Variants in AGBL4 observed in about 807,000 individuals in gnomAD.
The protein encoded by AGBL4 is cytosolic carboxypeptidase 6.
Under a neutral mutation model 66.4 loss-of-function variants are expected in AGBL4, and 58 were observed. The observed-to-expected ratio is 0.87, with a 90% CI of 0.71 to 1.09. The LOEUF is 1.09. Among genes scored for constraint, AGBL4 ranks in the 50% least tolerant of loss-of-function variants. The pLI, the probability that AGBL4 is intolerant of heterozygous loss-of-function variation, is 0.00. For missense variants in AGBL4, 579 were observed against 631.0 expected (o/e 0.92, Z 0.88); for synonymous variants, 234 against 222.9 (o/e 1.05, Z -0.44).
intron 6 of AGBL4, among the ~76,000 whole-genome samples, chr1:48,714,439 C>G (rs1244117100): frequency 6.6e-6 from 1 of 152,248 alleles, no homozygotes; most frequent in East Asian, 1.9e-4. Flanking sequence ...TTCTAATCAG[C>G]AAACCATGCT....
At chr1:49,341,148 C>T (rs1334351242) in intron 3 of AGBL4, among the ~76,000 whole-genome samples, 2 of 152,100 alleles carry the variant, frequency 1.3e-5, no homozygotes, top group Non-Finnish European at 2.9e-5. Context: ...GATAAATTTG[C>T]TTTCACTTTA....
At chr1:49,149,050 G>A (rs932980008) in intron 4 of AGBL4, among the ~76,000 whole-genome samples, 3 of 152,194 alleles carry the variant, frequency 2.0e-5, no homozygotes, top group African/African-American at 7.2e-5. Flanking sequence ...CTTGAGCTAT[G>A]TATGGACCCA....
chr1:49,378,739 T>C (rs1436345280), intron 3 of AGBL4, among the ~76,000 whole-genome samples: 1 of 152,080 alleles, frequency 6.6e-6, no homozygotes, highest in Non-Finnish European at 1.5e-5. Context: ...CAGACTGTGA[T>C]GTAGTTCAGA....
chr1:48,567,376 T>C (rs911819369), intron 11 of AGBL4, among the ~76,000 whole-genome samples: 3 of 152,198 alleles, frequency 2.0e-5, no homozygotes, highest in African/African-American at 4.8e-5. Context: ...TTGCCCTTTC[T>C]TTCAGCATCC....
At chr1:49,224,714 G>A (rs1434122887) in intron 4 of AGBL4, among the ~76,000 whole-genome samples, 1 of 151,970 alleles carries the variant, frequency 6.6e-6, no homozygotes, top group African/African-American at 2.4e-5. Context: ...AATAACATGG[G>A]GCCAGCTCTG....
At chr1:49,670,632 C>A (rs1051746600) in intron 3 of AGBL4, among the ~76,000 whole-genome samples, 1 of 152,096 alleles carries the variant, frequency 6.6e-6, no homozygotes, top group African/African-American at 2.4e-5. Context: ...GTAATAGCTA[C>A]AATTCTGAAT....
At chr1:49,123,933 C>A (rs1021159682) in intron 4 of AGBL4, among the ~76,000 whole-genome samples, 2 of 152,112 alleles carry the variant, frequency 1.3e-5, no homozygotes, top group African/African-American at 4.8e-5. Flanking sequence ...GGACAGCTTG[C>A]AATATATCTA....
intron 3 of AGBL4, among the ~76,000 whole-genome samples, chr1:49,690,815 T>A (rs894967750): frequency 1.3e-5 from 2 of 152,174 alleles, no homozygotes; most frequent in African/African-American, 4.8e-5. Flanking sequence ...GCATTAAATT[T>A]AGTGTTTTAT....
intron 5 of AGBL4, among the ~76,000 whole-genome samples, chr1:48,960,420 A>C (rs550925159): frequency 1.1e-4 from 16 of 152,284 alleles, no homozygotes; most frequent in African/African-American, 3.9e-4. Context: ...CAGTTCAGGA[A>C]AGAGGTCTAA....
intron 3 of AGBL4, among the ~76,000 whole-genome samples, chr1:49,598,088 T>G (rs1393751958): frequency 6.6e-6 from 1 of 152,198 alleles, no homozygotes; most frequent in Non-Finnish European, 1.5e-5. Context: ...CATCCTTGTC[T>G]TGTGCTGGTT....
chr1:48,711,429 C>T (rs1281747627), intron 6 of AGBL4, among the ~76,000 whole-genome samples: 1 of 152,160 alleles, frequency 6.6e-6, no homozygotes, highest in East Asian at 1.9e-4. Flanking sequence ...CCAGGGAAGT[C>T]ATTAACCTTT....
intron 3 of AGBL4, among the ~76,000 whole-genome samples, chr1:49,427,807 C>T (rs1309585758): frequency 1.3e-5 from 2 of 152,190 alleles, no homozygotes; most frequent in African/African-American, 4.8e-5. Context: ...AGCTTTTATT[C>T]CCTTATTTGG....
At chr1:49,351,706 G>C (rs1302168013) in intron 3 of AGBL4, among the ~76,000 whole-genome samples, 1 of 152,120 alleles carries the variant, frequency 6.6e-6, no homozygotes, top group African/African-American at 2.4e-5. Context: ...CTTATCCACA[G>C]AAGTCATGAG....
In AGBL4 at chr1:49,398,549, A is replaced by G. The variant is rs952734644; in HGVS notation, c.283-152685T>C. 7.9e-5 allele frequency among the ~76,000 whole-genome samples: 12 copies of G among 152,050 alleles called. No individual in the cohort carries two copies. In the South Asian group the frequency reaches 1.7e-3, roughly 21 times the overall value. ...CATACTCTTGTCACCCAATTCCCAT[A>G]CTAAATCTCCTCTTATATATTTATA... On this transcript the variant is annotated intron_variant, in intron 3 of 13. Transcript: ENST00000371839.
intron 10 of AGBL4, among the ~76,000 whole-genome samples, chr1:48,587,604 T>TTTATTA (rs976680002): frequency 7.6e-4 from 115 of 150,520 alleles, no homozygotes; most frequent in African/African-American, 2.5e-3. Context: ...CTCTATTCTT[T>TTTATTA]TTATTATTAT....
chr1:48,635,603 T>A (rs943106710), intron 8 of AGBL4, among the ~76,000 whole-genome samples: 1 of 152,190 alleles, frequency 6.6e-6, no homozygotes, highest in African/African-American at 2.4e-5. Context: ...CCTGGGCAAG[T>A]CCCTTGCTCT....
chr1:49,157,294 C>T (rs1646451916), intron 4 of AGBL4, among the ~76,000 whole-genome samples: 1 of 149,790 alleles, frequency 6.7e-6, no homozygotes, highest in Non-Finnish European at 1.5e-5. Context: ...TCCATGTTCT[C>T]ATTGTTCAAC....
intron 4 of AGBL4, among the ~76,000 whole-genome samples, chr1:49,078,532 C>T (rs1192679053): frequency 1.3e-5 from 2 of 152,146 alleles, no homozygotes; most frequent in African/African-American, 4.8e-5. Context: ...CTTAAATTTA[C>T]AAGCAAGTTT....
rs34271816 is a variant in AGBL4 at position 48,956,009 on chromosome 1, C to G, written c.595-88779G>C. The stretch of plus-strand genomic sequence containing the variant: ...GCCCTGACCCTGGCTCTAATTGGAT[C>G]TGGCCTTTCCTTGTTTGCTGCAATA... On this transcript the variant is annotated intron_variant, in intron 5 of 13. Coordinates refer to ENST00000371839, the MANE Select transcript of AGBL4 (RefSeq NM_032785.4). Among the ~76,000 whole-genome samples, 110 of 152,354 alleles carry G rather than the reference C, an allele frequency of 7.2e-4. No homozygotes were observed. The Middle Eastern group carries it at 0.01, about 14-fold the overall frequency.
Sources: allele counts gnomAD v4.1 joint callset (sites outside exome capture counted in the v4.1 genomes callset), GRCh38; gene constraint gnomAD v4.1.1; transcripts MANE v1.5; gene names NCBI Gene and HGNC (gene_info 2026-07-23, HGNC 2026-07-21).